The following SCN1A variants were observed in gnomAD, a reference collection of about 807,000 sequenced individuals.
The protein encoded by SCN1A is sodium channel protein type 1 subunit alpha.
In SCN1A, 13 loss-of-function variants were observed where a neutral mutation model predicts 193.7. The ratio of observed to expected loss-of-function variants is 0.07; its 90% CI spans 0.04 to 0.11. The LOEUF is 0.11. Ranked by LOEUF, SCN1A falls within the 10% of genes least tolerant of loss-of-function variation. The pLI is 1.00. For missense variants in SCN1A, 1,432 were observed against 2,451.1 expected, an observed-to-expected ratio of 0.58 and a Z score of 8.78; for synonymous variants, 781 against 843.6, an observed-to-expected ratio of 0.93 and a Z score of 1.29.
chr2:166,057,984 A>G (rs1158009118), intron 5 of SCN1A, among the ~76,000 whole-genome samples: 11 of 152,076 alleles, frequency 7.2e-5, no homozygotes. Flanking sequence ...ACAGTTTTGC[A>G]TGGCAGCATC....
upstream of SCN1A, chr2:166,128,090 A>T (rs534546755): frequency 5.3e-5 from 8 of 151,248 alleles, no homozygotes; most frequent in African/African-American, 1.5e-4. Context: ...ACCTTACATT[A>T]CATCGCCATC....
intron 4 of SCN1A, among the ~76,000 whole-genome samples, chr2:166,066,700 C>T (rs894896098): frequency 6.6e-6 from 1 of 152,098 alleles, no homozygotes; most frequent in Non-Finnish European, 1.5e-5. Flanking sequence ...CACCTAAACA[C>T]CTCCAAAACC....
In SCN1A at chr2:165,990,268, A is replaced by T. The variant is rs886055035; in HGVS notation, c.*977T>A. ...ACCACAGGGTAAAATGACTATTTACATAATAAATAGCATTTCATTAACATA... is the reference window on the plus strand; with the variant it reads ...ACCACAGGGTAAAATGACTATTTACTTAATAAATAGCATTTCATTAACATA... On this transcript the variant is annotated 3_prime_UTR_variant, in exon 29 of 29. Coordinates refer to ENST00000674923, the MANE Select transcript of SCN1A (RefSeq NM_001165963.4). 6.6e-6 allele frequency: 1 copy of T among 152,600 alleles called. No homozygotes were observed. The highest frequency in any genetic ancestry group is 2.4e-5 in the African/African-American group (1 of 41,452). The allele number at this position is 152,600 out of a possible 1,614,324, so 9.5% of individuals were successfully genotyped here.
At chr2:166,104,757 T>A (rs761695223) in intron 2 of SCN1A, among the ~76,000 whole-genome samples, 82 of 151,968 alleles carry the variant, frequency 5.4e-4, no homozygotes, top group Non-Finnish European at 8.4e-4. Flanking sequence ...AATAAAAAAA[T>A]TAAGGTACAT....
intron 2 of SCN1A, among the ~76,000 whole-genome samples, chr2:166,107,789 C>T (rs1688855076): frequency 6.6e-6 from 1 of 151,986 alleles, no homozygotes; most frequent in Non-Finnish European, 1.5e-5. Flanking sequence ...CTGTGGATAA[C>T]AATGTACAAA....
chr2:166,037,600 C>A (rs1424250920), intron 18 of SCN1A, among the ~76,000 whole-genome samples, 176 bp downstream of exon 18: 1 of 80,520 alleles, frequency 1.2e-5, no homozygotes, highest in Non-Finnish European at 2.4e-5. Flanking sequence ...ACTTTTAAAC[C>A]AATAATCATA....
intron 3 of SCN1A, among the ~76,000 whole-genome samples, chr2:166,074,868 G>A (rs1200950030): frequency 1.3e-5 from 2 of 152,156 alleles, no homozygotes. Context: ...TCTCATTGTT[G>A]TGAGGTTTAT....
intron 13 of SCN1A, 100 bp from the exon 14 acceptor site, chr2:166,044,149 A>G (rs527256343): frequency 7.9e-7 from 1 of 1,273,548 alleles, no homozygotes; most frequent in South Asian, 1.3e-5. Context: ...TTCAGCATTC[A>G]TAACAGAATA....
At chr2:166,114,471 T>C (rs1248645420) in intron 2 of SCN1A, among the ~76,000 whole-genome samples, 2 of 152,298 alleles carry the variant, frequency 1.3e-5, no homozygotes, top group East Asian at 3.9e-4. Flanking sequence ...TGCACTGGAA[T>C]TGTTTCCTTC....
At chr2:166,071,490 A>T (rs777768784) in intron 4 of SCN1A, 7 of 152,060 alleles carry the variant, frequency 4.6e-5, no homozygotes, top group Non-Finnish European at 8.8e-5. Context: ...ATATGTAGTG[A>T]TTCCTAAAGT....
At chr2:166,113,122 C>T (rs1689474395) in intron 2 of SCN1A, among the ~76,000 whole-genome samples, 1 of 152,054 alleles carries the variant, frequency 6.6e-6, no homozygotes, top group South Asian at 2.1e-4. Context: ...GAGCCATTGA[C>T]TTGTGGTATC....
At chr2:166,041,998 AG>A (rs1426279101) in intron 15 of SCN1A, among the ~76,000 whole-genome samples, 4 of 152,224 alleles carry the variant, frequency 2.6e-5, no homozygotes, top group Non-Finnish European at 4.4e-5. Context: ...TGGAACAAAA[AG>A]AGGGTCACTA....
intron 23 of SCN1A, among the ~76,000 whole-genome samples, chr2:166,007,813 A>T (rs908241613): frequency 6.6e-6 from 1 of 151,334 alleles, no homozygotes; most frequent in Non-Finnish European, 1.5e-5. Flanking sequence ...GCAAAGAATT[A>T]AATGAGAGTT....
chr2:166,014,341 G>C (rs1004521698), intron 20 of SCN1A, among the ~76,000 whole-genome samples: 2 of 151,468 alleles, frequency 1.3e-5, no homozygotes, highest in Non-Finnish European at 3.0e-5. Flanking sequence ...TTACCATTTA[G>C]GATTTTTTGT....
In SCN1A at chr2:165,987,948, G is replaced by T. The variant is rs1688711197; in HGVS notation, c.*3297C>A. ...AGCTACTAATATATCAGAATTAATT[G>T]TTGTGTTGCTTTAGGATTGTGATGT... is the stretch of plus-strand genomic sequence containing the variant. On this transcript the variant is annotated 3_prime_UTR_variant, in exon 29 of 29. Coordinates refer to ENST00000674923, the MANE Select transcript of SCN1A (RefSeq NM_001165963.4). The T allele has an allele frequency of 6.6e-6, 1 of 151,996 alleles. No homozygotes were observed. The highest frequency in any genetic ancestry group is 2.1e-4 in the South Asian group (1 of 4,818). 9.4% of individuals were successfully genotyped at this position (151,996 alleles called of 1,614,324 possible). A position where few individuals can be genotyped will look rare whatever the true frequency, so the allele number is the denominator to read the frequency against.
At chr2:166,147,260 A>G (rs1692361318) in intron 1 of SCN1A, among the ~76,000 whole-genome samples, 1 of 152,226 alleles carries the variant, frequency 6.6e-6, no homozygotes, top group Non-Finnish European at 1.5e-5. Flanking sequence ...TTCAAACAAT[A>G]TAATCTCACC....
rs552577500 is a variant in SCN1A at position 166,104,561 on chromosome 2, G to A, written c.-142+22363C>T. ...AGCTCGACACCAGCCTGGGCAACAT[G>A]GCAAAACCCCGTCTCTACAAAAAAT... On this transcript the variant is annotated intron_variant, in intron 2 of 28. Coordinates refer to ENST00000674923, the MANE Select transcript of SCN1A (RefSeq NM_001165963.4). 2.6e-5 allele frequency among the ~76,000 whole-genome samples: 4 copies of A among 152,188 alleles called. No individual in the cohort carries two copies. The South Asian group carries it at 8.3e-4, about 32-fold the overall frequency.
intron 6 of SCN1A, among the ~76,000 whole-genome samples, chr2:166,055,192 GT>G (rs5836077): frequency 2.6e-4 from 38 of 147,326 alleles, no homozygotes; most frequent in African/African-American, 8.9e-4. Flanking sequence ...ATTAGCACGT[GT>G]TTTTTTTTTT....
At chr2:166,125,208 C>A (rs955696678) in intron 2 of SCN1A, among the ~76,000 whole-genome samples, 3 of 152,124 alleles carry the variant, frequency 2.0e-5, no homozygotes, top group Non-Finnish European at 4.4e-5. Flanking sequence ...CCCCATTGAC[C>A]CTGAGGGTGA....
Sources: allele counts gnomAD v4.1 joint callset (sites outside exome capture counted in the v4.1 genomes callset), GRCh38; gene constraint gnomAD v4.1.1; transcripts MANE v1.5; gene names NCBI Gene and HGNC (gene_info 2026-07-23, HGNC 2026-07-21).